The following COL26A1 variants were observed in gnomAD, a reference collection of about 807,000 sequenced individuals.
COL26A1 encodes collagen type XXVI alpha 1 chain.
A neutral mutation model predicts 59.3 loss-of-function variants in COL26A1; 41 were observed. That is an observed-to-expected ratio of 0.69 (90% CI 0.54 to 0.90). The LOEUF (loss-of-function observed/expected upper bound fraction) is 0.90, where lower values mean the gene tolerates loss of function less well. COL26A1 is among the 40% of genes least tolerant of loss of function. COL26A1 has a pLI of 0.00. For missense variants in COL26A1, 612 were observed against 602.3 expected, an observed-to-expected ratio of 1.02 and a Z score of -0.17; for synonymous variants, 266 against 256.0, an observed-to-expected ratio of 1.04 and a Z score of -0.37.
intron 3 of COL26A1, among the ~76,000 whole-genome samples, chr7:101,506,542 G>C: frequency 6.6e-6 from 1 of 152,328 alleles, no homozygotes; most frequent in African/African-American, 2.4e-5. Flanking sequence ...GAGACCAGGG[G>C]TGAGCTGCAG....
intron 3 of COL26A1, among the ~76,000 whole-genome samples, chr7:101,477,165 G>T (rs1044775006): frequency 6.6e-6 from 1 of 152,028 alleles, no homozygotes; most frequent in African/African-American, 2.4e-5. Flanking sequence ...TTTTGTAAGG[G>T]TTAAGGCAAG....
chr7:101,460,717 G>T (rs1211299809), intron 3 of COL26A1, among the ~76,000 whole-genome samples: 1 of 151,854 alleles, frequency 6.6e-6, no homozygotes, highest in East Asian at 1.9e-4. Flanking sequence ...GGAGGCGGAG[G>T]TTCCAATAAG....
rs770835163 is a variant in COL26A1 at position 101,447,813 on chromosome 7, AG to A, written c.385+31del. The A allele has an allele frequency of 8.3e-6, 12 of 1,454,148 alleles. No homozygotes were observed. In the East Asian group the frequency reaches 2.8e-4, roughly 35 times the overall value. The allele number at this position is 1,454,148 out of a possible 1,614,324, so 90.1% of individuals were successfully genotyped here. A position where few individuals can be genotyped will look rare whatever the true frequency, so the allele number is the denominator to read the frequency against. On this transcript the variant is annotated intron_variant, in intron 3 of 12. Transcript: ENST00000313669. ...GTAAGTTGGCAGGCACTTGGGCTGC[AG>A]GGGGCCAGGCGTGGGCCAGGCTGGA... is the stretch of plus-strand genomic sequence containing the variant.
At chr7:101,454,977 C>T (rs1761006659) in intron 3 of COL26A1, among the ~76,000 whole-genome samples, 1 of 151,848 alleles carries the variant, frequency 6.6e-6, no homozygotes, top group South Asian at 2.1e-4. Flanking sequence ...TTCTGTGAGC[C>T]AGCATCAATT....
At chr7:101,517,410 G>A (rs1335050445) in intron 3 of COL26A1, among the ~76,000 whole-genome samples, 5 of 152,170 alleles carry the variant, frequency 3.3e-5, no homozygotes, top group Non-Finnish European at 7.3e-5. Flanking sequence ...ACAGCTCCAC[G>A]TGGCTGGGGG....
chr7:101,528,937 G>A (rs890960779), intron 3 of COL26A1, among the ~76,000 whole-genome samples: 3 of 152,112 alleles, frequency 2.0e-5, no homozygotes, highest in African/African-American at 7.2e-5. Context: ...AGGCCAAGCC[G>A]GGTGGATCAC....
intron 3 of COL26A1, among the ~76,000 whole-genome samples, chr7:101,466,795 G>GGTGT (rs59942660): frequency 0.14 from 17,257 of 124,822 alleles, 1,474 homozygotes; most frequent in Non-Finnish European, 0.18. Flanking sequence ...GGCATGTTCT[G>GGTGT]GTGTGTGTGT....
At chr7:101,533,265 C>T (rs1233854242) in intron 4 of COL26A1, 122 bp downstream of exon 4, 2 of 745,136 alleles carry the variant, frequency 2.7e-6, no homozygotes, top group Non-Finnish European at 4.5e-6. Flanking sequence ...TCCAAGCAGG[C>T]TTGGACAGCC....
intron 11 of COL26A1, among the ~76,000 whole-genome samples, chr7:101,555,061 T>A (rs74822725): frequency 0.041 from 6,264 of 151,590 alleles, 157 homozygotes; most frequent in Admixed American, 0.08. Flanking sequence ...TGCTGCCAAC[T>A]CCCAGGGCTG....
chr7:101,377,516 G>A (rs1001278008), intron 1 of COL26A1, among the ~76,000 whole-genome samples: 1 of 152,090 alleles, frequency 6.6e-6, no homozygotes, highest in African/African-American at 2.4e-5. Flanking sequence ...AGCCTTGACT[G>A]TCTGGACTCA....
At chr7:101,531,162 G>T (rs905973562) in intron 3 of COL26A1, among the ~76,000 whole-genome samples, 1 of 151,934 alleles carries the variant, frequency 6.6e-6, no homozygotes, top group South Asian at 2.1e-4. Context: ...TAGTAGAGAC[G>T]GGGTTTCACC....
At chr7:101,548,295 C>T (rs1795783455) in intron 8 of COL26A1, among the ~76,000 whole-genome samples, 1 of 152,190 alleles carries the variant, frequency 6.6e-6, no homozygotes, top group Non-Finnish European at 1.5e-5. Context: ...GAGACCCTCC[C>T]TGGGCCCGTG....
chr7:101,441,915 C>T (rs1793067020), intron 2 of COL26A1, among the ~76,000 whole-genome samples: 1 of 152,216 alleles, frequency 6.6e-6, no homozygotes, highest in Non-Finnish European at 1.5e-5. Flanking sequence ...CCTGGTCTCC[C>T]TGGTATCCTC....
intron 1 of COL26A1, among the ~76,000 whole-genome samples, chr7:101,415,188 T>G (rs1792344907): frequency 6.7e-6 from 1 of 148,818 alleles, no homozygotes; most frequent in Non-Finnish European, 1.5e-5. Context: ...TCTCTCTCTC[T>G]GTCGCCCAGG....
chr7:101,555,988 A>G, intron 12 of COL26A1, 117 bp downstream of exon 12: 1 of 771,334 alleles, frequency 1.3e-6, no homozygotes, highest in Non-Finnish European at 2.1e-6. Context: ...CCCTAGTCTG[A>G]CCCTCCCCCT....
rs575646237 is a variant in COL26A1, at chr7:101,436,460, G to A, written c.282-11224G>A. Among the ~76,000 whole-genome samples the A allele has an allele frequency of 9.3e-4, 141 of 152,220 alleles. 3 individuals are homozygous for A. Among genetic ancestry groups the A allele is most frequent in the African/African-American group, 3.0e-3 (125 of 41,570 alleles). On this transcript the variant is annotated intron_variant, in intron 2 of 12. Coordinates refer to ENST00000313669, the MANE Select transcript of COL26A1 (RefSeq NM_001278563.3). Reference sequence around the variant, plus strand: ...GGAGGCCAGGGGAGGAGTCGGGGGCGGGCAGGCATGGAGGCTGAGAAGGGG... The same window carrying A: ...GGAGGCCAGGGGAGGAGTCGGGGGCAGGCAGGCATGGAGGCTGAGAAGGGG...
At chr7:101,542,972 C>A (rs1795649540) in intron 5 of COL26A1, among the ~76,000 whole-genome samples, 1 of 152,188 alleles carries the variant, frequency 6.6e-6, no homozygotes, top group Non-Finnish European at 1.5e-5. Context: ...GGGGAAAATG[C>A]AGTTTCAAGA....
intron 1 of COL26A1, among the ~76,000 whole-genome samples, chr7:101,398,376 C>A (rs1791908098): frequency 6.6e-6 from 1 of 152,178 alleles, no homozygotes; most frequent in Non-Finnish European, 1.5e-5. Context: ...TCTTGACACA[C>A]AGCTCTGTGA....
chr7:101,460,049 C>G (rs565725358), intron 3 of COL26A1, among the ~76,000 whole-genome samples: 1 of 152,210 alleles, frequency 6.6e-6, no homozygotes, highest in East Asian at 1.9e-4. Context: ...AAAGTGACTC[C>G]CCATGAATCT....
Sources: allele counts gnomAD v4.1 joint callset (sites outside exome capture counted in the v4.1 genomes callset), GRCh38; gene constraint gnomAD v4.1.1; transcripts MANE v1.5; gene names NCBI Gene and HGNC (gene_info 2026-07-23, HGNC 2026-07-21).